The following CENPP variants were observed in gnomAD, a reference collection of about 807,000 sequenced individuals.
CENPP encodes the protein centromere protein P.
Under a neutral mutation model 35.6 loss-of-function variants are expected in CENPP, and 24 were observed. The ratio of observed to expected loss-of-function variants is 0.67; its 90% CI spans 0.49 to 0.95. The LOEUF (loss-of-function observed/expected upper bound fraction) is 0.95, where lower values mean the gene tolerates loss of function less well. Among genes scored for constraint, CENPP ranks in the 40% least tolerant of loss-of-function variants. The pLI is 0.00. For synonymous variants in CENPP, 120 were observed against 125.5 expected (o/e 0.96, Z 0.29); for missense variants, 332 against 345.3 (o/e 0.96, Z 0.31).
At chr9:92,467,541 C>A (rs755394871) in intron 5 of CENPP, among the ~76,000 whole-genome samples, 1 of 152,226 alleles carries the variant, frequency 6.6e-6, no homozygotes, top group African/African-American at 2.4e-5. Context: ...CTTTACCAAT[C>A]CAGGTCATCT....
chr9:92,377,544 G>A (rs1315535788), intron 4 of CENPP, among the ~76,000 whole-genome samples: 1 of 152,132 alleles, frequency 6.6e-6, no homozygotes, highest in Non-Finnish European at 1.5e-5. Context: ...AACGCTCTTA[G>A]CCTTTTTCAG....
chr9:92,333,316 A>C (rs1005951261), intron 2 of CENPP, among the ~76,000 whole-genome samples: 2 of 152,234 alleles, frequency 1.3e-5, no homozygotes, highest in Non-Finnish European at 2.9e-5. Context: ...ACTGAATTAC[A>C]TGTAGAAACA....
At chr9:92,467,354 C>A (rs963632861) in intron 5 of CENPP, among the ~76,000 whole-genome samples, 1 of 152,202 alleles carries the variant, frequency 6.6e-6, no homozygotes, top group South Asian at 2.1e-4. Context: ...GATTTCAGAA[C>A]CCAAACTGGG....
intron 5 of CENPP, among the ~76,000 whole-genome samples, chr9:92,546,450 C>T (rs371819958): frequency 3.9e-4 from 59 of 152,312 alleles, no homozygotes; most frequent in African/African-American, 1.4e-3. Context: ...GGAAGATCTG[C>T]AGCTTCGCTC....
intron 5 of CENPP, chr9:92,500,859 C>A (rs570789332): frequency 6.2e-7 from 1 of 1,614,128 alleles, no homozygotes; most frequent in Non-Finnish European, 8.5e-7. Flanking sequence ...GAAGGAGACA[C>A]GGTCCATGCC....
chr9:92,400,667 A>T (rs949322901), intron 5 of CENPP, among the ~76,000 whole-genome samples: 1 of 152,220 alleles, frequency 6.6e-6, no homozygotes, highest in Non-Finnish European at 1.5e-5. Flanking sequence ...TTGTTATTTC[A>T]TGACAAGTTT....
chr9:92,604,482 TTTCTTC>T (rs756101579), intron 5 of CENPP, among the ~76,000 whole-genome samples: 2 of 152,242 alleles, frequency 1.3e-5, no homozygotes, highest in Non-Finnish European at 1.5e-5. Flanking sequence ...CCTTTTTCTT[TTTCTTC>T]TTCTTTACAA....
intron 5 of CENPP, among the ~76,000 whole-genome samples, chr9:92,521,123 C>T (rs528862123): frequency 5.3e-5 from 8 of 152,256 alleles, no homozygotes; most frequent in African/African-American, 1.4e-4. Context: ...TGTGGTGATA[C>T]AATCAAAAAG....
At chr9:92,371,100 ACTAT>A (rs146511093) in intron 4 of CENPP, among the ~76,000 whole-genome samples, 4,689 of 151,670 alleles carry the variant, frequency 0.031, 111 homozygotes, top group South Asian at 0.084. Flanking sequence ...TTATTTTTTG[ACTAT>A]CTATTTCATT....
chr9:92,587,810 C>T (rs1850576057), intron 5 of CENPP, among the ~76,000 whole-genome samples: 1 of 152,070 alleles, frequency 6.6e-6, no homozygotes, highest in Non-Finnish European at 1.5e-5. Flanking sequence ...GAGTAAATGT[C>T]ACCTAACTGA....
intron 5 of CENPP, among the ~76,000 whole-genome samples, chr9:92,410,336 G>A (rs1209368288): frequency 6.6e-6 from 1 of 152,194 alleles, no homozygotes; most frequent in African/African-American, 2.4e-5. Context: ...CTTGGGCCCT[G>A]AGCTAGAGGA....
chr9:92,359,329 A>G (rs760462859), intron 4 of CENPP, among the ~76,000 whole-genome samples: 19 of 152,256 alleles, frequency 1.2e-4, no homozygotes, highest in Non-Finnish European at 2.2e-4. Context: ...ATAATGTGGT[A>G]ACCCCCAAAG....
At chr9:92,527,122 C>T (rs2131264333) in intron 5 of CENPP, among the ~76,000 whole-genome samples, 1 of 152,302 alleles carries the variant, frequency 6.6e-6, no homozygotes, top group Non-Finnish European at 1.5e-5. Flanking sequence ...CAATCTCACA[C>T]CTCAGCCTCC....
At chr9:92,473,357 C>A (rs539555296) in intron 5 of CENPP, among the ~76,000 whole-genome samples, 1 of 152,198 alleles carries the variant, frequency 6.6e-6, no homozygotes, top group Admixed American at 6.5e-5. Context: ...CAGTTTACAT[C>A]TGGTGGAGTC....
intron 5 of CENPP, chr9:92,516,629 A>G (rs931490358): frequency 1.2e-4 from 19 of 152,334 alleles, no homozygotes; most frequent in Non-Finnish European, 2.2e-4. Flanking sequence ...TCCTTCCTGT[A>G]TATCCAAGTT....
intron 4 of CENPP, among the ~76,000 whole-genome samples, chr9:92,372,904 T>C (rs1432101177): frequency 6.6e-6 from 1 of 152,086 alleles, no homozygotes; most frequent in Non-Finnish European, 1.5e-5. Context: ...GACAGTCTGA[T>C]TGTAATGTGC....
At chr9:92,580,180 C>G (rs929209045) in intron 5 of CENPP, among the ~76,000 whole-genome samples, 71 of 152,034 alleles carry the variant, frequency 4.7e-4, no homozygotes, top group South Asian at 1.0e-3. Context: ...TAAGCTTTTT[C>G]ATGTGCTGCT....
intron 5 of CENPP, chr9:92,522,592 C>G: frequency 6.2e-7 from 1 of 1,612,568 alleles, no homozygotes; most frequent in Non-Finnish European, 8.5e-7. Flanking sequence ...CACATTATAA[C>G]TTGATTCTAC....
intron 2 of CENPP, among the ~76,000 whole-genome samples, chr9:92,332,671 G>A (rs750955501): frequency 5.5e-4 from 83 of 152,176 alleles, no homozygotes; most frequent in Non-Finnish European, 6.6e-4. Context: ...AGCCGGATGT[G>A]TTGGTGGGCA....
Sources: gnomAD v4.1 joint callset for allele counts (sites outside exome capture counted in the v4.1 genomes callset) on GRCh38, gnomAD v4.1.1 for gene constraint, MANE v1.5 for transcripts, NCBI Gene and HGNC (gene_info 2026-07-23, HGNC 2026-07-21) for gene names.